Variants in TPM4 observed in about 807,000 individuals in gnomAD.
TPM4 encodes tropomyosin 4, also known as tropomyosin alpha-4 chain.
Under a neutral mutation model 35.8 loss-of-function variants are expected in TPM4, and 17 were observed. The observed-to-expected ratio is 0.47, with a 90% confidence interval of 0.32 to 0.71. The LOEUF (loss-of-function observed/expected upper bound fraction) is 0.71. Ranked by LOEUF, TPM4 falls within the 30% of genes least tolerant of loss-of-function variation. The probability of loss-of-function intolerance (pLI) is 0.03; values close to 1 mark genes in which losing one functional copy is unlikely to be tolerated. For missense variants in TPM4, 240 were observed against 320.9 expected (o/e 0.75, Z 1.93); for synonymous variants, 120 against 122.9 (o/e 0.98, Z 0.15).
intron 7 of TPM4, chr19:16,095,345 G>A (rs913620062): frequency 6.7e-6 from 7 of 1,037,262 alleles, no homozygotes; most frequent in Non-Finnish European, 8.1e-6. Flanking sequence ...ACCTCTCTCT[G>A]AGAGGCAGCC....
At chr19:16,071,700 G>C (rs2090358098), upstream of TPM4, among the ~76,000 whole-genome samples, 1 of 152,196 alleles carries the variant, frequency 6.6e-6, no homozygotes, top group Non-Finnish European at 1.5e-5. Context: ...GACGCTGCAG[G>C]AGGCCAGAGA....
chr19:16,078,544 G>A (rs953250114), intron 1 of TPM4, among the ~76,000 whole-genome samples: 4 of 152,184 alleles, frequency 2.6e-5, no homozygotes, highest in Admixed American at 6.5e-5. Flanking sequence ...AGCCTCAATC[G>A]GTAGCCGGTC....
chr19:16,076,092 G>T (rs1177707521), upstream of TPM4: 1 of 1,603,670 alleles, frequency 6.2e-7, no homozygotes, highest in Non-Finnish European at 8.5e-7. Context: ...AAAAGGGACA[G>T]AGGACGAGCT....
intron 2 of TPM4, among the ~76,000 whole-genome samples, chr19:16,084,129 G>T (rs146616133): frequency 6.6e-6 from 1 of 152,170 alleles, no homozygotes; most frequent in African/African-American, 2.4e-5. Context: ...GGGTTTCACC[G>T]TGTTAGCCAC....
rs370804000 is a variant in TPM4, at chr19:16,093,153, C to G, written c.532-383C>G. 6.8e-5 allele frequency: 13 copies of G among 192,490 alleles called. No individual in the cohort carries two copies. In the East Asian group the frequency reaches 1.5e-3, roughly 23 times the overall value. The allele number at this position is 192,490 out of a possible 1,614,324, so 11.9% of individuals were successfully genotyped here. A position where few individuals can be genotyped will look rare whatever the true frequency, so the allele number is the denominator to read the frequency against. ...CACAGGTGAGAGCCACCACACCCAG[C>G]CCTCCTTTTCTTTCTTTCTGTTTTT... On this transcript the variant is annotated intron_variant, in intron 5 of 7. Transcript: ENST00000643579.
intron 1 of TPM4, chr19:16,078,039 C>G (rs2090434356): frequency 2.5e-6 from 1 of 396,812 alleles, no homozygotes; most frequent in Non-Finnish European, 4.4e-6. Flanking sequence ...TCCCAAAGTT[C>G]TGGGATTACA....
intron 7 of TPM4, chr19:16,101,030 T>A: frequency 3.0e-6 from 1 of 333,156 alleles, no homozygotes; most frequent in African/African-American, 2.2e-5. Flanking sequence ...ATTAGCCGGG[T>A]GGTGGTGGCA....
At chr19:16,078,830 T>TAAA (rs55714667) in intron 1 of TPM4, among the ~76,000 whole-genome samples, 15,533 of 126,148 alleles carry the variant, frequency 0.12, 1,324 homozygotes, top group South Asian at 0.24. Context: ...AGGGGTGGGT[T>TAAA]AAAAAAAAAA....
At position 16,067,873 on chromosome 19, in the gene TPM4, C is replaced by A. The variant is rs762107280; in HGVS notation, c.114+135C>A. 5 of 791,936 alleles carry A rather than the reference C, an allele frequency of 6.3e-6. No individual in the cohort carries two copies. The highest frequency in any genetic ancestry group is 9.6e-6 in the Non-Finnish European group (5 of 519,340). 49.1% of individuals were successfully genotyped at this position (791,936 alleles called of 1,614,324 possible). The stretch of plus-strand genomic sequence containing the variant: ...GGCTGATGCTTTGGCGGAGGAAGAG[C>A]GAGGGGACCATTGCCTTCCTTGGAT... On this transcript the variant is annotated intron_variant, in intron 2 of 2. Coordinates refer to the TPM4 transcript ENST00000589897. The surrounding 1 kb of genome is among the most constrained non-coding windows in gnomAD (Gnocchi z 4.1).
intron 3 of TPM4, among the ~76,000 whole-genome samples, chr19:16,086,827 G>A (rs2090560492): frequency 6.6e-6 from 1 of 152,172 alleles, no homozygotes. Flanking sequence ...GGAGGATTGT[G>A]GTCCCAAGCC....
chr19:16,076,919 C>A (rs1024827470), intron 1 of TPM4: 8 of 1,036,474 alleles, frequency 7.7e-6, no homozygotes, highest in Non-Finnish European at 9.8e-6. Context: ...GGGGCGCCGC[C>A]TCCGGGTCGG....
chr19:16,081,764 T>G (rs1156687728), intron 1 of TPM4, 149 bp from the exon 2 acceptor site: 18 of 1,036,008 alleles, frequency 1.7e-5, no homozygotes, highest in Non-Finnish European at 2.6e-6. Flanking sequence ...TACTGAAATT[T>G]TGGTATGAGT....
intron 7 of TPM4, chr19:16,100,329 A>G (rs2090749935): frequency 6.6e-6 from 1 of 152,202 alleles, no homozygotes; most frequent in Non-Finnish European, 1.5e-5. Flanking sequence ...GCAATGAATA[A>G]TTTTTTAATC....
upstream of TPM4, chr19:16,076,268 G>C (rs2090404059): frequency 1.3e-6 from 2 of 1,528,806 alleles, no homozygotes; most frequent in East Asian, 4.9e-5. Context: ...AGGAAGAGGA[G>C]GAGGAGAAGG....
At chr19:16,093,804 A>C in intron 7 of TPM4, 51 bp downstream of exon 7, 1 of 1,602,464 alleles carries the variant, frequency 6.2e-7, no homozygotes, top group Non-Finnish European at 8.5e-7. Context: ...CCCCTCTGGG[A>C]CACATCCACG....
chr19:16,076,086 G>C, upstream of TPM4: 1 of 1,590,850 alleles, frequency 6.3e-7, no homozygotes, highest in South Asian at 1.1e-5. Flanking sequence ...GAAACTAAAA[G>C]GGACAGAGGA....
chr19:16,093,429 T>G (rs1374565323), intron 5 of TPM4, 107 bp from the exon 6 acceptor site: 4 of 1,271,236 alleles, frequency 3.1e-6, no homozygotes, highest in South Asian at 2.5e-5. Context: ...CTCCTGACCT[T>G]GTGATCCACC....
In TPM4 at chr19:16,102,465, A is replaced by G. The variant is rs2090772514; in HGVS notation, c.*1119A>G. 8.8e-6 allele frequency: 2 copies of G among 226,184 alleles called. 1 individual carries two copies. The highest frequency in any genetic ancestry group is 1.3e-4 in the East Asian group (2 of 15,642). 14.0% of individuals were successfully genotyped at this position (226,184 alleles called of 1,614,324 possible). On this transcript the variant is annotated 3_prime_UTR_variant, in exon 8 of 8. Coordinates refer to ENST00000643579, the MANE Select transcript of TPM4 (RefSeq NM_003290.3). Reference sequence around the variant, plus strand: ...AGCCATATCCAAAAGACCACAAGTCATTACTAAGTTGAGCAAAAGAGTTTT... The same window carrying G: ...AGCCATATCCAAAAGACCACAAGTCGTTACTAAGTTGAGCAAAAGAGTTTT...
intron 2 of TPM4, among the ~76,000 whole-genome samples, chr19:16,068,200 CAG>C (rs2090317831): frequency 2.0e-5 from 3 of 146,916 alleles, no homozygotes; most frequent in African/African-American, 7.6e-5. Context: ...GTGTTTGAGA[CAG>C]AGTCTCGCTC....
Sources: allele counts gnomAD v4.1 joint callset (sites outside exome capture counted in the v4.1 genomes callset), GRCh38; gene constraint gnomAD v4.1.1; non-coding constraint Gnocchi (gnomAD v3.1); transcripts MANE v1.5; gene names NCBI Gene and HGNC (gene_info 2026-07-23, HGNC 2026-07-21).